Variants in SAMMSON observed in about 807,000 individuals in gnomAD.
SAMMSON encodes long intergenic non-protein coding RNA 1212.
At chr3:70,125,865 A>G in intron 4 of SAMMSON, 2 of 678,486 alleles carry the variant, frequency 2.9e-6, no homozygotes, top group Admixed American at 2.2e-5. Context: ...GTTGGTCCTC[A>G]TCATCACTGC....
chr3:70,346,063 G>T lies in SAMMSON; in HGVS notation n.740-8112G>T, dbSNP rs145071561. ...CTTTGTAGTAAACTGCCAAACTGTG[G>T]TTGAAAGTGGTTGAACCACTCTGTG... is the stretch of plus-strand genomic sequence containing the variant. On this transcript the variant is annotated intron_variant and non_coding_transcript_variant, in intron 7 of 9. Transcript: ENST00000642114. Among the ~76,000 whole-genome samples the T allele has an allele frequency of 2.0e-3, 300 of 152,286 alleles. 2 individuals carry two copies. The highest frequency in any genetic ancestry group is 6.6e-3 in the African/African-American group (275 of 41,560).
intron 4 of SAMMSON, among the ~76,000 whole-genome samples, chr3:70,136,174 G>T (rs1300641589): frequency 1.3e-5 from 2 of 152,108 alleles, no homozygotes; most frequent in Non-Finnish European, 2.9e-5. Context: ...TTCCAAGATG[G>T]TGCCCAATGA....
intron 4 of SAMMSON, among the ~76,000 whole-genome samples, chr3:70,135,699 A>G (rs952916212): frequency 1.3e-5 from 2 of 152,226 alleles, no homozygotes; most frequent in African/African-American, 2.4e-5. Flanking sequence ...TTTTCCATAC[A>G]TAAAATTCCT....
At chr3:70,172,890 C>T (rs1700970884) in intron 4 of SAMMSON, 1 of 151,958 alleles carries the variant, frequency 6.6e-6, no homozygotes, top group African/African-American at 2.4e-5. Flanking sequence ...AGTTATTTAA[C>T]TGTTCGTTTT....
chr3:70,414,768 T>A (rs146705414), intron 2 of SAMMSON, among the ~76,000 whole-genome samples: 9 of 152,262 alleles, frequency 5.9e-5, no homozygotes, highest in African/African-American at 1.9e-4. Flanking sequence ...TCTAATTCAT[T>A]TATAAAGTGA....
intron 3 of SAMMSON, among the ~76,000 whole-genome samples, chr3:70,051,035 C>A (rs907018632): frequency 3.8e-4 from 53 of 141,000 alleles, no homozygotes; most frequent in African/African-American, 1.4e-3. Flanking sequence ...ACTTGGGAGG[C>A]AGAGGCAGGA....
chr3:70,033,482 C>A (rs2107584423), intron 3 of SAMMSON, among the ~76,000 whole-genome samples: 1 of 152,206 alleles, frequency 6.6e-6, no homozygotes, highest in South Asian at 2.1e-4. Flanking sequence ...TCAGAGTATG[C>A]TGGCCAGTGG....
intron 1 of SAMMSON, among the ~76,000 whole-genome samples, chr3:70,012,042 T>C (rs537707448): frequency 3.3e-5 from 5 of 152,174 alleles, no homozygotes; most frequent in Middle Eastern, 3.4e-3. Flanking sequence ...TCAACCCCTT[T>C]CTCTAGCTCC....
At chr3:70,432,663 G>T (rs1486978418) in intron 2 of SAMMSON, among the ~76,000 whole-genome samples, 3 of 151,896 alleles carry the variant, frequency 2.0e-5, no homozygotes, top group African/African-American at 7.2e-5. Flanking sequence ...ATGCATTATT[G>T]TTAAATAAAG....
At chr3:70,313,693 A>G (rs1459264639) in intron 7 of SAMMSON, among the ~76,000 whole-genome samples, 1 of 151,988 alleles carries the variant, frequency 6.6e-6, no homozygotes, top group Non-Finnish European at 1.5e-5. Context: ...CCATTATCAG[A>G]TTCCTTTATC....
At chr3:70,263,388 T>C (rs577795973) in intron 6 of SAMMSON, among the ~76,000 whole-genome samples, 1 of 152,342 alleles carries the variant, frequency 6.6e-6, no homozygotes, top group African/African-American at 2.4e-5. Flanking sequence ...AGGGTAGGTC[T>C]ATAGGAATAA....
chr3:70,102,679 ACAGT>A (rs2067350593), intron 4 of SAMMSON, among the ~76,000 whole-genome samples: 1 of 152,218 alleles, frequency 6.6e-6, no homozygotes, highest in Non-Finnish European at 1.5e-5. Flanking sequence ...GTTCAAGCTC[ACAGT>A]CAATGAGCTT....
At chr3:70,189,832 CT>C in intron 4 of SAMMSON, among the ~76,000 whole-genome samples, 1 of 152,280 alleles carries the variant, frequency 6.6e-6, no homozygotes, top group South Asian at 2.1e-4. Flanking sequence ...TTTAGCATCT[CT>C]GGAAATTCCA....
chr3:70,264,274 C>G (rs1701894304), intron 6 of SAMMSON, among the ~76,000 whole-genome samples: 1 of 152,310 alleles, frequency 6.6e-6, no homozygotes, highest in Non-Finnish European at 1.5e-5. Context: ...TATCTGCTGT[C>G]TCTCTAGTTA....
intron 2 of SAMMSON, among the ~76,000 whole-genome samples, chr3:70,397,568 T>G: frequency 6.6e-6 from 1 of 152,202 alleles, no homozygotes; most frequent in East Asian, 1.9e-4. Flanking sequence ...TTGTGTCCAC[T>G]TTCGGATTAA....
chr3:70,074,532 A>G (rs1275548060), intron 4 of SAMMSON, among the ~76,000 whole-genome samples: 1 of 152,154 alleles, frequency 6.6e-6, no homozygotes, highest in Non-Finnish European at 1.5e-5. Context: ...GTGCTAAAGC[A>G]CAAATTTATA....
intron 3 of SAMMSON, among the ~76,000 whole-genome samples, chr3:70,040,855 A>G (rs534865819): frequency 2.0e-5 from 3 of 152,196 alleles, no homozygotes; most frequent in South Asian, 4.1e-4. Flanking sequence ...AGTCTCTGGG[A>G]CTGAAAAGGT....
chr3:70,240,929 A>C (rs1263772837), intron 4 of SAMMSON, among the ~76,000 whole-genome samples: 1 of 152,208 alleles, frequency 6.6e-6, no homozygotes. Flanking sequence ...ATAAAAGTTG[A>C]TTCATCATTT....
intron 4 of SAMMSON, among the ~76,000 whole-genome samples, chr3:70,156,445 G>T (rs962902202): frequency 1.3e-5 from 2 of 152,080 alleles, no homozygotes; most frequent in East Asian, 3.9e-4. Flanking sequence ...GGAAACTGCT[G>T]CTCCAAGTCT....
Sources: allele counts gnomAD v4.1 joint callset (sites outside exome capture counted in the v4.1 genomes callset), GRCh38; gene constraint gnomAD v4.1.1; transcripts MANE v1.5; gene names NCBI Gene and HGNC (gene_info 2026-07-23, HGNC 2026-07-21).